Variants in DNAJC18 observed in about 807,000 individuals in gnomAD.
The protein encoded by DNAJC18 is dnaJ homolog subfamily C member 18.
A neutral mutation model predicts 48.6 loss-of-function variants in DNAJC18; 40 were observed. The ratio of observed to expected loss-of-function variants is 0.82; its 90% CI spans 0.64 to 1.07. The LOEUF is 1.07. DNAJC18 is among the 50% of genes least tolerant of loss of function. DNAJC18 has a pLI of 0.00. For missense variants in DNAJC18, 340 were observed against 427.7 expected, an observed-to-expected ratio of 0.79 and a Z score of 1.81; for synonymous variants, 135 against 152.2, an observed-to-expected ratio of 0.89 and a Z score of 0.83.
intron 6 of DNAJC18, 135 bp from the exon 7 acceptor site, chr5:139,420,360 A>G: frequency 1.2e-6 from 1 of 838,320 alleles, no homozygotes; most frequent in Non-Finnish European, 1.8e-6. Context: ...TATACCCAAC[A>G]CTTCTTATTT....
Position 139,414,078 on chromosome 5 carries a change from T to C in DNAJC18, c.*70A>G. 3 of 1,567,354 alleles carry C rather than the reference T, an allele frequency of 1.9e-6. No homozygotes were observed. Among genetic ancestry groups the C allele is most frequent in the South Asian group, 1.2e-5 (1 of 83,138 alleles). On this transcript the variant is annotated 3_prime_UTR_variant, in exon 8 of 8. Coordinates refer to ENST00000302060, the MANE Select transcript of DNAJC18 (RefSeq NM_152686.4). ...TTCATCATTACCTAGTTTTGTATTATAAAATGGAATCAGGAACATAAATAG... is the reference window on the plus strand; with the variant it reads ...TTCATCATTACCTAGTTTTGTATTACAAAATGGAATCAGGAACATAAATAG...
intron 2 of DNAJC18, among the ~76,000 whole-genome samples, chr5:139,429,460 T>A (rs1433317615): frequency 6.6e-6 from 1 of 152,020 alleles, no homozygotes; most frequent in Non-Finnish European, 1.5e-5. Flanking sequence ...ACAGTAAAAA[T>A]TTTCCTGCTT....
chr5:139,411,653 T>C lies in DNAJC18; in HGVS notation c.*2495A>G, dbSNP rs1758997359. On this transcript the variant is annotated 3_prime_UTR_variant, in exon 8 of 8. Coordinates refer to ENST00000302060, the MANE Select transcript of DNAJC18 (RefSeq NM_152686.4). ...CCTTGAGGAAAAACAGATGTGAATG[T>C]TGTGGTCTATTGGCAATAAATAAAA... is the stretch of plus-strand genomic sequence containing the variant. The C allele has an allele frequency of 6.6e-6, 1 of 152,222 alleles. No individual in the cohort carries two copies. The highest frequency in any genetic ancestry group is 2.1e-4 in the South Asian group (1 of 4,834). 9.4% of individuals were successfully genotyped at this position (152,222 alleles called of 1,614,324 possible).
chr5:139,414,660 CAG>C (rs1252440320), intron 7 of DNAJC18, among the ~76,000 whole-genome samples: 1 of 152,270 alleles, frequency 6.6e-6, no homozygotes, highest in Non-Finnish European at 1.5e-5. Flanking sequence ...TCATCTGAAA[CAG>C]ACAGCTGCTT....
intron 7 of DNAJC18, among the ~76,000 whole-genome samples, chr5:139,417,568 A>ATTTT (rs762169642): frequency 1.7e-5 from 2 of 114,480 alleles, no homozygotes; most frequent in African/African-American, 6.6e-5. Flanking sequence ...TACTCACTGG[A>ATTTT]TTTTTTTTTT....
At chr5:139,435,071 A>C (rs1475741626) in intron 2 of DNAJC18, among the ~76,000 whole-genome samples, 1 of 152,078 alleles carries the variant, frequency 6.6e-6, no homozygotes, top group African/African-American at 2.4e-5. Context: ...ATTATGAAAG[A>C]GTGTTGGGGC....
In DNAJC18 at chr5:139,428,595, C is replaced by T. The variant is rs772651526; in HGVS notation, c.316G>A (p.Ala106Thr). The change falls in exon 3 of 8, where the codon GCC becomes ACC. Residue 106 changes from alanine (A) to threonine (T), a missense_variant. Coordinates refer to ENST00000302060, the MANE Select transcript of DNAJC18 (RefSeq NM_152686.4). ...TTCTTGTCAGGGTGAAATTTCAGGG[C>T]GAGTTTTCTGTAAGCTTTCTTAAGC... ...EELKKAYRKL[A>T]LKFHPDKNCA... 2.7e-5 allele frequency: 43 copies of T among 1,613,752 alleles called. No individual in the cohort carries two copies. Among genetic ancestry groups the T allele is most frequent in the Admixed American group, 8.3e-5 (5 of 59,962 alleles).
intron 6 of DNAJC18, among the ~76,000 whole-genome samples, chr5:139,420,529 A>G (rs898478255): frequency 6.7e-6 from 1 of 148,330 alleles, no homozygotes; most frequent in Non-Finnish European, 1.5e-5. Flanking sequence ...TAAAACAAAC[A>G]ATTTTTACGT....
At chr5:139,424,858 C>A (rs1759211071) in intron 5 of DNAJC18, 147 bp downstream of exon 5, 1 of 650,808 alleles carries the variant, frequency 1.5e-6, no homozygotes, top group East Asian at 3.1e-5. Flanking sequence ...TTTTCCAGCT[C>A]TTCTAACCAT....
chr5:139,414,800 G>C (rs1759048827), intron 7 of DNAJC18, among the ~76,000 whole-genome samples: 1 of 152,264 alleles, frequency 6.6e-6, no homozygotes, highest in African/African-American at 2.4e-5. Context: ...ACCACACGTA[G>C]GGTCCCCAAC....
At chr5:139,422,260 A>C (rs1243776425) in intron 6 of DNAJC18, among the ~76,000 whole-genome samples, 2 of 152,220 alleles carry the variant, frequency 1.3e-5, no homozygotes, top group Non-Finnish European at 2.9e-5. Flanking sequence ...CGCAAAAAGC[A>C]TTACAAGGAA....
At chr5:139,438,714 A>G (rs1474797872) in intron 1 of DNAJC18, among the ~76,000 whole-genome samples, 2 of 152,148 alleles carry the variant, frequency 1.3e-5, no homozygotes, top group African/African-American at 4.8e-5. Context: ...ACCATTTGTA[A>G]CACTTTCTGC....
In DNAJC18 at chr5:139,428,522, T is replaced by G. The variant is rs1166718272; in HGVS notation, c.373+16A>C. The G allele has an allele frequency of 5.0e-6, 8 of 1,601,232 alleles. No individual in the cohort carries two copies. Among genetic ancestry groups the G allele is most frequent in the Non-Finnish European group, 6.0e-6 (7 of 1,176,366 alleles). On this transcript the variant is annotated intron_variant, in intron 3 of 7. Transcript: ENST00000302060. ...CCATGACAAGGGCACCATTGAGCAT[T>G]GGTTCAGGATCAGACCTTTGAAAGC...
intron 2 of DNAJC18, 108 bp downstream of exon 2, chr5:139,437,264 T>G: frequency 1.5e-6 from 2 of 1,355,998 alleles, no homozygotes; most frequent in Non-Finnish European, 2.0e-6. Context: ...TATGCCTCAA[T>G]TATCATCATC....
rs545692591 is a variant in DNAJC18 at position 139,438,083 on chromosome 5, A to G, written c.41-525T>C. On this transcript the variant is annotated intron_variant, in intron 1 of 7. Transcript: ENST00000302060. ...TGTAATCCCAGCACTTTGGGAGGCCAAGGCGGGCGGATCACGAGGTCAGGA... is the reference window on the plus strand; with the variant it reads ...TGTAATCCCAGCACTTTGGGAGGCCGAGGCGGGCGGATCACGAGGTCAGGA... Among the ~76,000 whole-genome samples the G allele has an allele frequency of 6.3e-3, 959 of 152,030 alleles. 12 individuals are homozygous for G. Among genetic ancestry groups the G allele is most frequent in the African/African-American group, 0.022 (890 of 41,344 alleles).
At chr5:139,419,806 G>A (rs552777086) in intron 7 of DNAJC18, among the ~76,000 whole-genome samples, 1 of 152,328 alleles carries the variant, frequency 6.6e-6, no homozygotes, top group East Asian at 1.9e-4. Context: ...GACTCAAAGA[G>A]AGACAGACAT....
intron 7 of DNAJC18, chr5:139,418,660 T>C: frequency 2.3e-6 from 1 of 439,428 alleles, no homozygotes; most frequent in Non-Finnish European, 4.6e-6. Context: ...CATTAGGACT[T>C]TGCCGTACAG....
At chr5:139,435,720 T>TTTTTTTTTTTTTTTTG (rs1750633541) in intron 2 of DNAJC18, among the ~76,000 whole-genome samples, 2 of 123,564 alleles carry the variant, frequency 1.6e-5, no homozygotes, top group Admixed American at 1.7e-4. Context: ...TTTTTTTTTT[T>TTTTTTTTTTTTTTTTG]TTTTTTTTTT....
chr5:139,425,316 AC>A (rs1416936640), intron 4 of DNAJC18, among the ~76,000 whole-genome samples: 1 of 152,076 alleles, frequency 6.6e-6, no homozygotes, highest in African/African-American at 2.4e-5. Context: ...GGCACCCGCC[AC>A]CATGCCTGGC....
Sources: allele counts gnomAD v4.1 joint callset (sites outside exome capture counted in the v4.1 genomes callset), GRCh38; gene constraint gnomAD v4.1.1; transcripts MANE v1.5; gene names NCBI Gene and HGNC (gene_info 2026-07-23, HGNC 2026-07-21).